DDX43: variants seen among roughly 807,000 people sequenced by gnomAD.
DDX43 encodes DEAD-box helicase 43, also known as probable ATP-dependent RNA helicase DDX43.
In DDX43, 50 loss-of-function variants were observed where a neutral mutation model predicts 84.9. The observed-to-expected ratio is 0.59, with a 90% CI of 0.47 to 0.75. The LOEUF is 0.75. Ranked by LOEUF, DDX43 falls within the 30% of genes least tolerant of loss-of-function variation. The probability of loss-of-function intolerance (pLI) is 0.00; values close to 1 mark genes in which losing one functional copy is unlikely to be tolerated. For missense variants in DDX43, 689 were observed against 798.6 expected (o/e 0.86, Z 1.65); for synonymous variants, 291 against 266.3 (o/e 1.09, Z -0.90).
Position 73,405,716 on chromosome 6 carries a change from G to C in DDX43, c.688G>C (p.Asp230His), listed in dbSNP as rs745598162. The C allele has an allele frequency of 6.2e-7, 1 of 1,613,972 alleles. No homozygotes were observed. Among genetic ancestry groups the C allele is most frequent in the Non-Finnish European group, 8.5e-7 (1 of 1,180,004 alleles). The change falls in exon 6 of 17, where the codon GAT (aspartate) becomes CAT (histidine). Residue 230 changes from aspartate (D) to histidine (H), a missense_variant. Transcript: ENST00000370336. ...TAATATAACGTGGGATGACTTGAAG[G>C]ATGGGGAGAAACGACCTATCCCCAA... ...NFNITWDDLK[D>H]GEKRPIPNPT...
At chr6:73,409,934 G>T (rs114743842) in intron 10 of DDX43, among the ~76,000 whole-genome samples, 1 of 151,538 alleles carries the variant, frequency 6.6e-6, no homozygotes, top group Non-Finnish European at 1.5e-5. Context: ...GAAGACTGAG[G>T]CAGGAGGATC....
chr6:73,413,893 A>C, intron 12 of DDX43, 77 bp from the exon 13 acceptor site: 1 of 1,520,256 alleles, frequency 6.6e-7, no homozygotes, highest in South Asian at 1.2e-5. Context: ...ATGTTACTTT[A>C]GATTTTTGCT....
chr6:73,405,856 A>C, intron 6 of DDX43, 21 bp downstream of exon 6: 1 of 1,607,600 alleles, frequency 6.2e-7, no homozygotes, highest in African/African-American at 1.3e-5. Flanking sequence ...ATTAATTACA[A>C]TATTTCACTC....
intron 1 of DDX43, among the ~76,000 whole-genome samples, chr6:73,395,371 G>T (rs1769446166): frequency 1.3e-5 from 2 of 152,298 alleles, no homozygotes; most frequent in South Asian, 2.1e-4. Flanking sequence ...TTGGGAGGCC[G>T]AGGCGGGCGG....
chr6:73,394,846 C>T lies in DDX43; in HGVS notation c.-60C>T, dbSNP rs1328416516. The T allele has an allele frequency of 1.9e-6, 3 of 1,583,442 alleles. No homozygotes were observed. Among genetic ancestry groups the T allele is most frequent in the Admixed American group, 3.5e-5 (2 of 56,926 alleles). On this transcript the variant is annotated 5_prime_UTR_variant, in exon 1 of 17. Coordinates refer to ENST00000370336, the MANE Select transcript of DDX43 (RefSeq NM_018665.3). ...CCCTGGCACGCTACTCTTACGACGTCACGGTCAGGTGGTGCAGAGCTGGAC... is the reference window on the plus strand; with the variant it reads ...CCCTGGCACGCTACTCTTACGACGTTACGGTCAGGTGGTGCAGAGCTGGAC...
At chr6:73,404,176 C>T (rs764556825) in intron 4 of DDX43, among the ~76,000 whole-genome samples, 12 of 152,006 alleles carry the variant, frequency 7.9e-5, no homozygotes, top group Admixed American at 2.0e-4. Context: ...AGTGCAATGG[C>T]GCTGTCTTGG....
Position 73,397,751 on chromosome 6 carries a change from C to T in DDX43, c.306+7C>T, listed in dbSNP as rs1327817842. The T allele has an allele frequency of 6.2e-7, 1 of 1,613,128 alleles. No individual in the cohort carries two copies. Among genetic ancestry groups the T allele is most frequent in the South Asian group, 1.1e-5 (1 of 91,024 alleles). Reference sequence around the variant, plus strand: ...AACAAACACCACAATCCAAGTAAGCCATCTGTGTTTTTCGGCCCTTAAGAG... The same window carrying T: ...AACAAACACCACAATCCAAGTAAGCTATCTGTGTTTTTCGGCCCTTAAGAG... On this transcript the variant is annotated splice_region_variant and intron_variant, in intron 2 of 16. Coordinates refer to ENST00000370336, the MANE Select transcript of DDX43 (RefSeq NM_018665.3).
In DDX43 at chr6:73,405,659, A is replaced by C. The variant is rs772952709; in HGVS notation, c.651-20A>C. 5.0e-5 allele frequency: 80 copies of C among 1,610,138 alleles called. No individual in the cohort carries two copies. Among genetic ancestry groups the C allele is most frequent in the Non-Finnish European group, 6.1e-5 (72 of 1,178,106 alleles). On this transcript the variant is annotated intron_variant, in intron 5 of 16. Coordinates refer to ENST00000370336, the MANE Select transcript of DDX43 (RefSeq NM_018665.3). ...GGGAGTAAAGTGAGGAAAGCCACTG[A>C]TGTTTTTTATTCTTTGAAGGAAAGA...
At chr6:73,412,680 T>C (rs311688) in intron 11 of DDX43, among the ~76,000 whole-genome samples, 49,563 of 103,040 alleles carry the variant, frequency 0.48, 10,654 homozygotes, top group Non-Finnish European at 0.55. Flanking sequence ...CGCGCGCGCG[T>C]GTGTGTGTGT....
At chr6:73,406,790 C>T (rs948080526) in intron 7 of DDX43, among the ~76,000 whole-genome samples, 3 of 152,050 alleles carry the variant, frequency 2.0e-5, no homozygotes, top group Non-Finnish European at 4.4e-5. Context: ...ATGAAAAGAC[C>T]ATCTTAAACA....
At position 73,394,941 on chromosome 6, in the gene DDX43, G is replaced by T. The variant is rs373466847; in HGVS notation, c.36G>T (p.Thr12=). The change falls in exon 1 of 17, where the codon ACG becomes ACT. Residue 12 remains threonine (T), a synonymous_variant. Transcript: ENST00000370336. ...ACGGAGGAGCTCCCAAGGCCTCTAC[G>T]TGGGTCGTTGCTAGTCGGCGAAGCT... ...SHHGGAPKAS[T]WVVASRRSST... The T allele has an allele frequency of 5.0e-6, 8 of 1,614,120 alleles. No individual in the cohort carries two copies. The highest frequency in any genetic ancestry group is 6.8e-6 in the Non-Finnish European group (8 of 1,180,048).
At chr6:73,402,490 C>G (rs575530676) in intron 4 of DDX43, among the ~76,000 whole-genome samples, 2 of 152,194 alleles carry the variant, frequency 1.3e-5, no homozygotes, top group South Asian at 4.1e-4. Flanking sequence ...CCAGGCTAGT[C>G]TCGAACTCCT....
At chr6:73,404,840 C>A (rs1769641471) in intron 5 of DDX43, 69 bp downstream of exon 5, 1 of 1,189,010 alleles carries the variant, frequency 8.4e-7, no homozygotes, top group Non-Finnish European at 1.2e-6. Flanking sequence ...ACACTTCGGG[C>A]AAATGTGAAA....
intron 4 of DDX43, among the ~76,000 whole-genome samples, chr6:73,403,483 A>G (rs964363255): frequency 4.7e-5 from 7 of 149,646 alleles, no homozygotes; most frequent in African/African-American, 1.8e-4. Flanking sequence ...AAGAAAAAAG[A>G]AAAGAAAAGA....
chr6:73,405,637 A>G lies in DDX43; in HGVS notation c.651-42A>G, dbSNP rs112825631. The stretch of plus-strand genomic sequence containing the variant: ...ATTTTGGAGAATGTCTTGCTTGGGG[A>G]GTAAAGTGAGGAAAGCCACTGATGT... On this transcript the variant is annotated intron_variant, in intron 5 of 16. Coordinates refer to ENST00000370336, the MANE Select transcript of DDX43 (RefSeq NM_018665.3). The G allele has an allele frequency of 5.9e-5, 94 of 1,597,742 alleles. 1 individual carries two copies. The African/African-American group carries it at 8.6e-4, about 15-fold the overall frequency.
At chr6:73,412,166 T>C (rs1194590454) in intron 10 of DDX43, 39 bp from the exon 11 acceptor site, 1 of 1,549,952 alleles carries the variant, frequency 6.5e-7, no homozygotes, top group Non-Finnish European at 8.8e-7. Flanking sequence ...AGTAATGTTT[T>C]TACAACAAAA....
chr6:73,413,356 C>T (rs1769840364), intron 11 of DDX43, among the ~76,000 whole-genome samples: 1 of 152,050 alleles, frequency 6.6e-6, no homozygotes, highest in Non-Finnish European at 1.5e-5. Context: ...GACATTGCGC[C>T]ACTGCACTCC....
At position 73,406,414 on chromosome 6, in the gene DDX43, C is replaced by G; in HGVS notation, c.858C>G (p.Ala286=). The change falls in exon 7 of 17, where the codon GCC becomes GCG. Residue 286 remains alanine, a synonymous_variant. Coordinates refer to ENST00000370336, the MANE Select transcript of DDX43 (RefSeq NM_018665.3). ...AAGGAATAGATCTTATAGGAGTAGC[C>G]CAGACTGGAACAGGAAAGACATTGT... ...VLQGIDLIGV[A]QTGTGKTLCY... 6.2e-7 allele frequency: 1 copy of G among 1,613,606 alleles called. No individual in the cohort carries two copies. Among genetic ancestry groups the G allele is most frequent in the South Asian group, 1.1e-5 (1 of 91,024 alleles).
At chr6:73,412,788 TG>T (rs939559609) in intron 11 of DDX43, among the ~76,000 whole-genome samples, 26 of 151,606 alleles carry the variant, frequency 1.7e-4, no homozygotes, top group African/African-American at 6.3e-4. Flanking sequence ...TGGAGTGCAG[TG>T]GGGTGATCTC....
Sources: allele counts gnomAD v4.1 joint callset (sites outside exome capture counted in the v4.1 genomes callset), GRCh38; gene constraint gnomAD v4.1.1; transcripts MANE v1.5; gene names NCBI Gene and HGNC (gene_info 2026-07-23, HGNC 2026-07-21).